The following ANKRD27 variants were observed in gnomAD, a reference collection of about 807,000 sequenced individuals.
The protein encoded by ANKRD27 is ankyrin repeat domain-containing protein 27.
A neutral mutation model predicts 129.7 loss-of-function variants in ANKRD27; 112 were observed. The observed-to-expected ratio is 0.86, with a 90% CI of 0.74 to 1.01. The LOEUF is 1.01. Among genes scored for constraint, ANKRD27 ranks in the 50% least tolerant of loss-of-function variants. The pLI is 0.00. For missense variants in ANKRD27, 1,258 were observed against 1,300.5 expected (o/e 0.97, Z 0.50); for synonymous variants, 516 against 511.2 (o/e 1.01, Z -0.13).
intron 1 of ANKRD27, chr19:32,673,314 C>T: frequency 1.0e-6 from 1 of 985,894 alleles, no homozygotes; most frequent in Non-Finnish European, 1.2e-6. Context: ...TGCTCCTGCT[C>T]CCATCCTGCA....
intron 16 of ANKRD27, 92 bp downstream of exon 16, chr19:32,626,620 T>G: frequency 1.1e-6 from 1 of 936,458 alleles, no homozygotes; most frequent in Admixed American, 2.4e-5. Flanking sequence ...GAGACAGGGG[T>G]GCAGGGTAGC....
At chr19:32,628,919 G>C (rs1286819086) in intron 13 of ANKRD27, 70 bp from the exon 14 acceptor site, 60 of 1,584,136 alleles carry the variant, frequency 3.8e-5, no homozygotes, top group Non-Finnish European at 5.2e-5. Context: ...AATTTTTTGA[G>C]AGTCCTTTTT....
intron 2 of ANKRD27, among the ~76,000 whole-genome samples, chr19:32,654,359 G>T (rs994449077): frequency 1.3e-5 from 2 of 152,130 alleles, no homozygotes; most frequent in African/African-American, 4.8e-5. Context: ...ATGAAATAAA[G>T]TTGGTACAAT....
chr19:32,673,458 C>T (rs1967911662), intron 1 of ANKRD27: 1 of 985,398 alleles, frequency 1.0e-6, no homozygotes, highest in Non-Finnish European at 1.2e-6. Context: ...AAGGATTCCC[C>T]TGCACTCCCC....
At chr19:32,612,531 A>C (rs1021554748) in intron 22 of ANKRD27, among the ~76,000 whole-genome samples, 1 of 152,348 alleles carries the variant, frequency 6.6e-6, no homozygotes. Context: ...TAAATTAGGA[A>C]GAATCATTCA....
chr19:32,645,233 G>A lies in ANKRD27; in HGVS notation c.371-754C>T, dbSNP rs370659141. 1.2e-4 allele frequency among the ~76,000 whole-genome samples: 19 copies of A among 152,188 alleles called. No individual in the cohort carries two copies. In the South Asian group the frequency reaches 3.9e-3, roughly 32 times the overall value. On this transcript the variant is annotated intron_variant, in intron 4 of 28. Coordinates refer to ENST00000306065, the MANE Select transcript of ANKRD27 (RefSeq NM_032139.3). ...TCAAGACCATCCTGGCCAACATGGT[G>A]AAACCCTGTCTCTACTAAAAATAAA...
chr19:32,608,577 AAAG>A (rs1971786482), intron 22 of ANKRD27: 2 of 193,042 alleles, frequency 1.0e-5, no homozygotes, highest in Non-Finnish European at 2.2e-5. Flanking sequence ...CAAAAATAAA[AAAG>A]AAGCTGGAAA....
chr19:32,659,085 G>A (rs259252), intron 1 of ANKRD27, 40 bp from the exon 2 acceptor site: 7 of 1,034,180 alleles, frequency 6.8e-6, no homozygotes, highest in East Asian at 2.4e-5. Context: ...AGCCATTTTC[G>A]AGTTTACGTA....
At chr19:32,602,288 A>G (rs1971665435) in intron 25 of ANKRD27, among the ~76,000 whole-genome samples, 162 bp from the exon 26 acceptor site, 1 of 152,072 alleles carries the variant, frequency 6.6e-6, no homozygotes, top group South Asian at 2.1e-4. Flanking sequence ...TGGTAAAAGC[A>G]GGCCTGCATG....
chr19:32,636,633 T>C (rs1471813404), intron 12 of ANKRD27, among the ~76,000 whole-genome samples: 1 of 151,832 alleles, frequency 6.6e-6, no homozygotes, highest in African/African-American at 2.4e-5. Context: ...TTTTATAGAC[T>C]GCAAATATTA....
Position 32,604,443 on chromosome 19 carries a change from C to A in ANKRD27, c.2494-19G>T. The A allele has an allele frequency of 6.3e-7, 1 of 1,581,336 alleles. No homozygotes were observed. Among genetic ancestry groups the A allele is most frequent in the Non-Finnish European group, 8.7e-7 (1 of 1,155,868 alleles). ...CCCCGTGCTGGAAAGAGAAACCACA[C>A]GATCAAAAGGAACGCTACGAAACGT... On this transcript the variant is annotated intron_variant, in intron 24 of 28. Transcript: ENST00000306065.
At chr19:32,673,494 CT>C in intron 1 of ANKRD27, 1 of 981,820 alleles carries the variant, frequency 1.0e-6, no homozygotes, top group Non-Finnish European at 1.2e-6. Context: ...AACTTCTCTG[CT>C]AGGTGCTCAG....
chr19:32,606,956 A>G (rs1370522345), intron 23 of ANKRD27, among the ~76,000 whole-genome samples: 2,497 of 120,306 alleles, frequency 0.021, 51 homozygotes, highest in East Asian at 0.17. Flanking sequence ...AAAAAAAAAA[A>G]AAAAAAAAAA....
chr19:32,662,303 T>A (rs1967659529), intron 1 of ANKRD27, among the ~76,000 whole-genome samples: 2 of 71,776 alleles, frequency 2.8e-5, no homozygotes, highest in East Asian at 4.6e-4. Flanking sequence ...AGAGAAAGAC[T>A]CAGTCTCCAA....
In ANKRD27 at chr19:32,668,878, C is replaced by T. The variant is rs552890442; in HGVS notation, c.-31+6193G>A. Among the ~76,000 whole-genome samples, 16 of 152,262 alleles carry T rather than the reference C, an allele frequency of 1.1e-4. No individual in the cohort carries two copies. In the South Asian group the frequency reaches 1.2e-3, roughly 12 times the overall value. On this transcript the variant is annotated intron_variant, in intron 1 of 28. Transcript: ENST00000306065. ...ACCCAGCACTCATCCTATCTTAATGCTCACAATAACTCTAGGCAAGTAGGT... is the reference window on the plus strand; with the variant it reads ...ACCCAGCACTCATCCTATCTTAATGTTCACAATAACTCTAGGCAAGTAGGT...
intron 9 of ANKRD27, among the ~76,000 whole-genome samples, chr19:32,642,355 T>C (rs755955481): frequency 2.7e-5 from 4 of 148,828 alleles, no homozygotes; most frequent in Non-Finnish European, 4.4e-5. Context: ...GATAGAGTTG[T>C]ACAAGAAAAG....
At chr19:32,604,225 C>G in intron 25 of ANKRD27, 38 bp downstream of exon 25, 2 of 1,564,142 alleles carry the variant, frequency 1.3e-6, no homozygotes, top group Non-Finnish European at 1.7e-6. Flanking sequence ...CTGTGAGGAG[C>G]TCAGGATTCC....
At position 32,626,725 on chromosome 19, in the gene ANKRD27, T is replaced by C. The variant is rs1966890102; in HGVS notation, c.1523A>G (p.Tyr508Cys). 2 of 1,609,122 alleles carry C rather than the reference T, an allele frequency of 1.2e-6. No homozygotes were observed. Among genetic ancestry groups the C allele is most frequent in the Admixed American group, 1.7e-5 (1 of 59,350 alleles). ...TPLHLACQKGYQSVTLLLLHY... is the reference protein window; with the variant it reads ...TPLHLACQKGCQSVTLLLLHY... ...ACCACTGCTCACCGTCACGCTCTGG[T>C]AGCCCTTCTGACAGGCCAGGTGGAG... is the stretch of plus-strand genomic sequence containing the variant. Residue 508 changes from tyrosine to cysteine, a missense_variant, in exon 16 of 29, where the codon TAC (tyrosine) becomes TGC (cysteine). Tyr to Cys is a radical substitution (Grantham distance 194). Transcript: ENST00000306065.
At chr19:32,633,719 T>G (rs968671029) in intron 12 of ANKRD27, among the ~76,000 whole-genome samples, 1 of 152,062 alleles carries the variant, frequency 6.6e-6, no homozygotes, top group African/African-American at 2.4e-5. Flanking sequence ...TCTTCATTTA[T>G]GAACATGCTT....
Sources: allele counts gnomAD v4.1 joint callset (sites outside exome capture counted in the v4.1 genomes callset), GRCh38; gene constraint gnomAD v4.1.1; transcripts MANE v1.5; gene names NCBI Gene and HGNC (gene_info 2026-07-23, HGNC 2026-07-21).